The following RBM47 variants were observed in gnomAD, a reference collection of about 807,000 sequenced individuals.
The protein encoded by RBM47 is RNA-binding protein 47.
In RBM47, 21 loss-of-function variants were observed where a neutral mutation model predicts 47.1. That is an observed-to-expected ratio of 0.45 (90% CI 0.32 to 0.64). The LOEUF (loss-of-function observed/expected upper bound fraction) is 0.64. Among genes scored for constraint, RBM47 ranks in the 30% least tolerant of loss-of-function variants. RBM47 has a pLI of 0.05. For synonymous variants in RBM47, 375 were observed against 361.7 expected (o/e 1.04, Z -0.42); for missense variants, 708 against 870.9 (o/e 0.81, Z 2.35).
chr4:40,568,005 T>A (rs540385763), intron 1 of RBM47, among the ~76,000 whole-genome samples: 5 of 152,012 alleles, frequency 3.3e-5, no homozygotes, highest in Admixed American at 3.3e-4. Context: ...TTCTTTTTTT[T>A]AAGAAATGTT....
At chr4:40,479,392 C>T (rs1418072608) in intron 2 of RBM47, among the ~76,000 whole-genome samples, 1 of 152,000 alleles carries the variant, frequency 6.6e-6, no homozygotes, top group Non-Finnish European at 1.5e-5. Context: ...TGCTTGAGCC[C>T]AGGAGTTCAG....
intron 1 of RBM47, among the ~76,000 whole-genome samples, chr4:40,583,588 G>C (rs1733205576): frequency 6.6e-6 from 1 of 151,836 alleles, no homozygotes; most frequent in South Asian, 2.1e-4. Context: ...GCCAGGCGCG[G>C]TGGCTCATGG....
chr4:40,489,521 A>G (rs1721570658), intron 2 of RBM47, among the ~76,000 whole-genome samples: 1 of 152,210 alleles, frequency 6.6e-6, no homozygotes, highest in Non-Finnish European at 1.5e-5. Context: ...AATAAAAAGG[A>G]TAGCAAAGAA....
Position 40,438,010 on chromosome 4 carries a change from A to G in RBM47, c.884T>C (p.Val295Ala). ...FVHFTSREDA[V>A]HAMNNLNGTE... ...GCCGTTGAGGTTGTTCATGGCATGC[A>G]CGGCATCCTCGCGGCTGGTGAAGTG... Residue 295 changes from valine to alanine, a missense_variant, in exon 4 of 7, where the codon GTG becomes GCG. Coordinates refer to ENST00000295971, the MANE Select transcript of RBM47 (RefSeq NM_001098634.2). The G allele has an allele frequency of 6.2e-7, 1 of 1,613,632 alleles. No homozygotes were observed. The highest frequency in any genetic ancestry group is 8.5e-7 in the Non-Finnish European group (1 of 1,180,012).
intron 1 of RBM47, among the ~76,000 whole-genome samples, chr4:40,610,128 T>TCATTTAAGA (rs1308985391): frequency 1.3e-5 from 2 of 151,460 alleles, no homozygotes; most frequent in Non-Finnish European, 3.0e-5. Flanking sequence ...CAAAAAAACC[T>TCATTTAAGA]CATTTAAGAA....
intron 3 of RBM47, among the ~76,000 whole-genome samples, chr4:40,453,619 G>A (rs767230152): frequency 5.9e-5 from 9 of 152,192 alleles, no homozygotes; most frequent in Non-Finnish European, 1.2e-4. Context: ...GAGACCTTCT[G>A]CTGACTGTCA....
chr4:40,577,309 C>T (rs905368747), intron 1 of RBM47, among the ~76,000 whole-genome samples: 1 of 152,066 alleles, frequency 6.6e-6, no homozygotes, highest in Non-Finnish European at 1.5e-5. Flanking sequence ...TGCTGGTGGC[C>T]GAATCTAACA....
intron 2 of RBM47, among the ~76,000 whole-genome samples, chr4:40,491,131 G>C (rs965827377): frequency 3.9e-5 from 6 of 152,134 alleles, no homozygotes; most frequent in Admixed American, 3.3e-4. Flanking sequence ...ATGGCCATAG[G>C]ACAATAGATT....
intron 2 of RBM47, among the ~76,000 whole-genome samples, chr4:40,516,181 C>T (rs1385630544): frequency 6.6e-6 from 1 of 152,008 alleles, no homozygotes; most frequent in Non-Finnish European, 1.5e-5. Context: ...CTCTCTTCCT[C>T]TCTCCTTTCT....
At chr4:40,527,872 C>A (rs1475663718) in intron 2 of RBM47, among the ~76,000 whole-genome samples, 3 of 152,016 alleles carry the variant, frequency 2.0e-5, no homozygotes, top group African/African-American at 7.3e-5. Context: ...CAACTGTTTA[C>A]CCTTGAGGAA....
At chr4:40,428,914 G>A (rs1163320454) in intron 6 of RBM47, among the ~76,000 whole-genome samples, 1 of 152,156 alleles carries the variant, frequency 6.6e-6, no homozygotes, top group Non-Finnish European at 1.5e-5. Context: ...GAGAATATAT[G>A]GGGAAGCACT....
rs1712956051 is a variant in RBM47, at chr4:40,437,993, G to A, written c.901C>T (p.Leu301Phe). ...GAGCCCTCCAGCTCAGTGCCGTTGA[G>A]GTTGTTCATGGCATGCACGGCATCC... ...REDAVHAMNNLNGTELEGSCL... is the reference protein window; with the variant it reads ...REDAVHAMNNFNGTELEGSCL... The change falls in exon 4 of 7, where the codon CTC becomes TTC. Residue 301 changes from leucine to phenylalanine, a missense_variant. Transcript: ENST00000295971. 6.2e-7 allele frequency: 1 copy of A among 1,613,618 alleles called. No individual in the cohort carries two copies.
At chr4:40,433,012 A>C in intron 5 of RBM47, 150 bp from the exon 6 acceptor site, 1 of 1,191,050 alleles carries the variant, frequency 8.4e-7, no homozygotes, top group East Asian at 2.9e-5. Context: ...CCAGGCTGGA[A>C]TGCAGTGGTG....
chr4:40,438,239 T>A lies in RBM47; in HGVS notation c.655A>T (p.Ile219Phe), dbSNP rs976326670. ...GCGATCTGGTGGCCCCACAGCTGGATGCGGCCAGGCATGAGCTTGCGGCGA... is the reference window on the plus strand; with the variant it reads ...GCGATCTGGTGGCCCCACAGCTGGAAGCGGCCAGGCATGAGCTTGCGGCGA... ...MARRKLMPGR[I>F]QLWGHQIAVD... The change falls in exon 4 of 7, where the codon ATC becomes TTC. Residue 219 changes from isoleucine (I) to phenylalanine (F), a missense_variant. By Grantham distance (21) the Ile-to-Phe change is conservative. Coordinates refer to ENST00000295971, the MANE Select transcript of RBM47 (RefSeq NM_001098634.2). The A allele has an allele frequency of 6.2e-7, 1 of 1,604,956 alleles. No homozygotes were observed. Among genetic ancestry groups the A allele is most frequent in the Non-Finnish European group, 8.5e-7 (1 of 1,179,934 alleles).
intron 1 of RBM47, among the ~76,000 whole-genome samples, chr4:40,593,139 C>A (rs1411523630): frequency 2.7e-5 from 4 of 148,216 alleles, no homozygotes; most frequent in African/African-American, 4.9e-5. Flanking sequence ...GGACTACAGG[C>A]GCCCGCGACC....
At position 40,600,985 on chromosome 4, in the gene RBM47, C is replaced by CAAAAAAAAAA. The variant is rs56054491; in HGVS notation, c.-240+28401_-240+28410dup. 5.0e-3 allele frequency among the ~76,000 whole-genome samples: 250 copies of CAAAAAAAAAA among 50,046 alleles called. 21 individuals carry two copies. The highest frequency in any genetic ancestry group is 0.016 in the African/African-American group (229 of 14,444). The allele number at this position is 50,046 out of a possible 152,430, so 32.8% of individuals were successfully genotyped here. A position where few individuals can be genotyped will look rare whatever the true frequency, so the allele number is the denominator to read the frequency against. On this transcript the variant is annotated intron_variant, in intron 1 of 6. Coordinates refer to ENST00000295971, the MANE Select transcript of RBM47 (RefSeq NM_001098634.2). Reference sequence around the variant, plus strand: ...AGGCAACAAGAGTGAAACTCCGTCTCAAAAAAAAAAAAAAAAAGAAAGAAG... The same window carrying CAAAAAAAAAA: ...AGGCAACAAGAGTGAAACTCCGTCTCAAAAAAAAAAAAAAAAAAAAAAAAAAAGAAAGAAG...
chr4:40,496,826 G>C (rs1165423147), intron 2 of RBM47, among the ~76,000 whole-genome samples: 2 of 151,946 alleles, frequency 1.3e-5, no homozygotes, highest in African/African-American at 4.8e-5. Flanking sequence ...GATCACCTGA[G>C]GTCAGGAGTT....
chr4:40,534,774 A>G (rs951896781), intron 2 of RBM47, among the ~76,000 whole-genome samples: 1 of 152,026 alleles, frequency 6.6e-6, no homozygotes, highest in Non-Finnish European at 1.5e-5. Context: ...CTCTACTAAA[A>G]ATACAAAAAA....
At chr4:40,508,655 T>C (rs1466771584) in intron 2 of RBM47, among the ~76,000 whole-genome samples, 1 of 152,198 alleles carries the variant, frequency 6.6e-6, no homozygotes, top group African/African-American at 2.4e-5. Flanking sequence ...AAAGGTAATC[T>C]ATGGTGATAC....
Sources: gnomAD v4.1 joint callset for allele counts (sites outside exome capture counted in the v4.1 genomes callset) on GRCh38, gnomAD v4.1.1 for gene constraint, MANE v1.5 for transcripts, NCBI Gene and HGNC (gene_info 2026-07-23, HGNC 2026-07-21) for gene names.